The following ADARB1 variants were observed in gnomAD, a reference collection of about 807,000 sequenced individuals.
ADARB1 encodes the protein adenosine deaminase RNA specific B1, also known as double-stranded RNA-specific editase 1.
ADARB1 carries 10 observed loss-of-function variants against 52.4 expected under a neutral mutation model. The observed-to-expected ratio is 0.19, with a 90% confidence interval of 0.12 to 0.32. ADARB1 has a LOEUF of 0.32. Ranked by LOEUF, ADARB1 falls within the 10% of genes least tolerant of loss-of-function variation. The pLI is 1.00. For synonymous variants in ADARB1, 349 were observed against 371.1 expected (o/e 0.94, Z 0.68); for missense variants, 643 against 922.3 (o/e 0.70, Z 3.92).
Position 45,224,262 on chromosome 21 carries a change from G to A in ADARB1, c.*2065G>A, listed in dbSNP as rs1179052039. On this transcript the variant is annotated 3_prime_UTR_variant, in exon 11 of 11. Transcript: ENST00000348831. ...ACATACAAAACTACCCGGTATGTCT[G>A]GCTTTTCCCTTCTGTCAGGTAATAG... 6.1e-6 allele frequency: 6 copies of A among 985,432 alleles called. No homozygotes were observed. Among genetic ancestry groups the A allele is most frequent in the Non-Finnish European group, 7.2e-6 (6 of 829,938 alleles). 61.0% of individuals were successfully genotyped at this position (985,432 alleles called of 1,614,324 possible).
At chr21:45,112,803 A>G (rs1043082410) in intron 1 of ADARB1, among the ~76,000 whole-genome samples, 1 of 152,102 alleles carries the variant, frequency 6.6e-6, no homozygotes, top group African/African-American at 2.4e-5. Flanking sequence ...ATGACATGTG[A>G]TAACGAGGAA....
intron 1 of ADARB1, among the ~76,000 whole-genome samples, chr21:45,124,667 T>G (rs1330390475): frequency 6.6e-6 from 1 of 151,572 alleles, no homozygotes; most frequent in Non-Finnish European, 1.5e-5. Flanking sequence ...CATGAGCTAC[T>G]GCATCTGGCT....
intron 1 of ADARB1, among the ~76,000 whole-genome samples, chr21:45,107,862 G>A (rs1372112197): frequency 2.0e-5 from 3 of 152,088 alleles, no homozygotes; most frequent in Admixed American, 6.6e-5. Context: ...AAAATACTGC[G>A]ACCAGCCTGG....
At chr21:45,080,866 G>T (rs1361765503) in intron 1 of ADARB1, among the ~76,000 whole-genome samples, 2 of 152,164 alleles carry the variant, frequency 1.3e-5, no homozygotes, top group African/African-American at 4.8e-5. Flanking sequence ...GTTGCTTTGG[G>T]CCTGTTGCAT....
At chr21:45,114,379 C>CAA (rs1433921942) in intron 1 of ADARB1, among the ~76,000 whole-genome samples, 2 of 152,174 alleles carry the variant, frequency 1.3e-5, no homozygotes, top group Non-Finnish European at 2.9e-5. Context: ...AGCACCCTCT[C>CAA]AGAGTGGTGC....
intron 8 of ADARB1, among the ~76,000 whole-genome samples, chr21:45,202,589 G>C (rs1163741796): frequency 6.6e-6 from 1 of 152,156 alleles, no homozygotes; most frequent in African/African-American, 2.4e-5. Flanking sequence ...CTGGGCGTCA[G>C]CCTCCTCCAG....
intron 1 of ADARB1, among the ~76,000 whole-genome samples, chr21:45,085,686 C>A (rs987774289): frequency 7.2e-5 from 11 of 152,138 alleles, no homozygotes; most frequent in African/African-American, 2.7e-4. Context: ...TTTGTTGTCA[C>A]GTAGTAGATG....
At chr21:45,165,821 C>T (rs562580263) in intron 2 of ADARB1, among the ~76,000 whole-genome samples, 2 of 151,174 alleles carry the variant, frequency 1.3e-5, no homozygotes, top group Admixed American at 6.6e-5. Context: ...ACTTTAATAC[C>T]GTTTCTTTTT....
chr21:45,146,218 G>T (rs900159826), intron 2 of ADARB1: 9 of 152,302 alleles, frequency 5.9e-5, no homozygotes, highest in African/African-American at 1.9e-4. Flanking sequence ...CACCTGATCC[G>T]TTCTGCCGGG....
At chr21:45,098,306 C>T (rs2086853104) in intron 1 of ADARB1, among the ~76,000 whole-genome samples, 1 of 152,242 alleles carries the variant, frequency 6.6e-6, no homozygotes, top group Non-Finnish European at 1.5e-5. Context: ...AGGTCTGCTG[C>T]AGGCCCATGG....
At chr21:45,215,436 A>G (rs4818766) in intron 9 of ADARB1, among the ~76,000 whole-genome samples, 78,196 of 151,704 alleles carry the variant, frequency 0.52, 20,515 homozygotes, top group South Asian at 0.58. Flanking sequence ...TCAAGAATGT[A>G]TGCTGGATTT....
intron 1 of ADARB1, among the ~76,000 whole-genome samples, chr21:45,112,990 G>C (rs984297780): frequency 2.1e-4 from 1 of 4,744 alleles, no homozygotes; most frequent in Non-Finnish European, 3.5e-4. Context: ...TTGGGAGGCA[G>C]AATGTTTAAG....
chr21:45,112,185 T>C (rs2087571984), intron 1 of ADARB1, among the ~76,000 whole-genome samples: 1 of 152,228 alleles, frequency 6.6e-6, no homozygotes, highest in Non-Finnish European at 1.5e-5. Flanking sequence ...GGAGCAGGTA[T>C]GGGAATGGTG....
At chr21:45,124,791 G>GTGTGTGTGTGTGTGTA (rs773299397) in intron 1 of ADARB1, among the ~76,000 whole-genome samples, 4 of 144,492 alleles carry the variant, frequency 2.8e-5, no homozygotes, top group Non-Finnish European at 6.3e-5. Flanking sequence ...GTGTGTATGT[G>GTGTGTGTGTGTGTGTA]TGTGTGTGTG....
intron 2 of ADARB1, among the ~76,000 whole-genome samples, chr21:45,132,883 CGAA>C (rs2089040859): frequency 6.6e-6 from 1 of 152,098 alleles, no homozygotes; most frequent in Non-Finnish European, 1.5e-5. Flanking sequence ...TAGAGATAGA[CGAA>C]GAAGAAAGAG....
intron 2 of ADARB1, among the ~76,000 whole-genome samples, chr21:45,151,439 T>G (rs990931435): frequency 1.3e-5 from 2 of 152,232 alleles, no homozygotes; most frequent in Non-Finnish European, 2.9e-5. Flanking sequence ...AAAAGGTACT[T>G]TGTTACACGA....
intron 2 of ADARB1, among the ~76,000 whole-genome samples, chr21:45,136,364 C>T (rs911877911): frequency 1.3e-5 from 2 of 152,216 alleles, no homozygotes; most frequent in African/African-American, 4.8e-5. Flanking sequence ...GACCTGGGGC[C>T]TCAGCCTAAG....
intron 2 of ADARB1, among the ~76,000 whole-genome samples, chr21:45,139,627 G>A (rs1409919462): frequency 1.3e-5 from 2 of 152,182 alleles, no homozygotes; most frequent in Non-Finnish European, 2.9e-5. Context: ...CCTGTCGGGC[G>A]CAGCGAGCGT....
At chr21:45,156,010 T>G (rs111067114) in intron 2 of ADARB1, among the ~76,000 whole-genome samples, 232 of 1,760 alleles carry the variant, frequency 0.13, no homozygotes, top group Admixed American at 0.15. Flanking sequence ...CATCATCCAC[T>G]CACCCACCCA....
Sources: gnomAD v4.1 joint callset for allele counts (sites outside exome capture counted in the v4.1 genomes callset) on GRCh38, gnomAD v4.1.1 for gene constraint, MANE v1.5 for transcripts, NCBI Gene and HGNC (gene_info 2026-07-23, HGNC 2026-07-21) for gene names.